The following CSMD1 variants were observed in gnomAD, a reference collection of about 807,000 sequenced individuals.
CSMD1 encodes the protein CUB and Sushi multiple domains 1, also known as CUB and sushi domain-containing protein 1.
CSMD1 carries 213 observed loss-of-function variants against 417.5 expected under a neutral mutation model. That is an observed-to-expected ratio of 0.51 (90% CI 0.46 to 0.57). The LOEUF (loss-of-function observed/expected upper bound fraction) is 0.57. Among genes scored for constraint, CSMD1 ranks in the 20% least tolerant of loss-of-function variants. The probability of loss-of-function intolerance (pLI) is 0.00; values close to 1 mark genes in which losing one functional copy is unlikely to be tolerated. For missense variants in CSMD1, 6,923 were observed against 4,529.7 expected (o/e 1.53, Z -15.17); for synonymous variants, 2,862 against 1,736.8 (o/e 1.65, Z -16.11).
intron 3 of CSMD1, among the ~76,000 whole-genome samples, chr8:4,146,493 T>G (rs1442484504): frequency 6.7e-6 from 1 of 148,942 alleles, no homozygotes; most frequent in African/African-American, 2.5e-5. Context: ...ACCCAGTTCC[T>G]CAGACGTTGT....
At chr8:3,252,838 G>C (rs1800374034) in intron 26 of CSMD1, among the ~76,000 whole-genome samples, 2 of 152,136 alleles carry the variant, frequency 1.3e-5, no homozygotes, top group Admixed American at 6.5e-5. Context: ...AGATTTTCTA[G>C]TTTATTTGCA....
At chr8:4,720,688 C>T (rs1413164567) in intron 1 of CSMD1, among the ~76,000 whole-genome samples, 2 of 152,136 alleles carry the variant, frequency 1.3e-5, no homozygotes, top group Non-Finnish European at 2.9e-5. Flanking sequence ...TCCCAAAGAG[C>T]TGGGATTACA....
chr8:4,643,850 T>G (rs1219552055), intron 1 of CSMD1, among the ~76,000 whole-genome samples: 1 of 152,182 alleles, frequency 6.6e-6, no homozygotes, highest in Non-Finnish European at 1.5e-5. Flanking sequence ...TTAAGGGTTT[T>G]CAGAATTAAA....
chr8:3,288,840 T>A (rs1260398520), intron 25 of CSMD1, among the ~76,000 whole-genome samples: 1 of 147,324 alleles, frequency 6.8e-6, no homozygotes, highest in Non-Finnish European at 1.5e-5. Flanking sequence ...TATTTTATTA[T>A]TATACTTTAA....
intron 54 of CSMD1, among the ~76,000 whole-genome samples, chr8:2,996,850 A>G (rs1806941131): frequency 6.6e-6 from 1 of 152,282 alleles, no homozygotes; most frequent in Non-Finnish European, 1.5e-5. Flanking sequence ...TGAAAGAAGA[A>G]GAAAAGTTGT....
At chr8:3,993,974 G>C (rs1002719278) in intron 5 of CSMD1, among the ~76,000 whole-genome samples, 1 of 152,170 alleles carries the variant, frequency 6.6e-6, no homozygotes, top group Non-Finnish European at 1.5e-5. Flanking sequence ...ACAGGGATGG[G>C]TTCACAGGGG....
rs535827041 is a variant in CSMD1, at chr8:4,036,728, G to C, written c.416-4629C>G. ...CGTAAAGGATCCTTTTGCAGATGCAGTTGCAGGCTTTTATTTTACACCAGG... is the reference window on the plus strand; with the variant it reads ...CGTAAAGGATCCTTTTGCAGATGCACTTGCAGGCTTTTATTTTACACCAGG... On this transcript the variant is annotated intron_variant, in intron 3 of 69. Transcript: ENST00000635120. Among the ~76,000 whole-genome samples the C allele has an allele frequency of 7.9e-5, 12 of 152,340 alleles. No individual in the cohort carries two copies. In the South Asian group the frequency reaches 1.9e-3, roughly 24 times the overall value.
chr8:4,236,363 C>T lies in CSMD1; in HGVS notation c.415+183590G>A, dbSNP rs1408606357. Among the ~76,000 whole-genome samples, 9 of 152,124 alleles carry T rather than the reference C, an allele frequency of 5.9e-5. No homozygotes were observed. In the East Asian group the frequency reaches 1.7e-3, roughly 29 times the overall value. ...AGTCACACAAACCAAGATTTCATCC[C>T]CACTCGGAGAAAGGGGTGAAGACGA... On this transcript the variant is annotated intron_variant, in intron 3 of 69. Coordinates refer to ENST00000635120, the MANE Select transcript of CSMD1 (RefSeq NM_033225.6).
intron 49 of CSMD1, among the ~76,000 whole-genome samples, chr8:3,075,193 G>A (rs367741841): frequency 6.6e-6 from 1 of 152,080 alleles, no homozygotes; most frequent in East Asian, 1.9e-4. Context: ...TTCCTGTCCA[G>A]CCGGAGAAAC....
chr8:3,118,659 T>A, intron 41 of CSMD1, 72 bp from the exon 42 acceptor site: 1 of 1,364,650 alleles, frequency 7.3e-7, no homozygotes, highest in South Asian at 1.3e-5. Flanking sequence ...TGCAGGAGTG[T>A]CATCACATGT....
intron 2 of CSMD1, among the ~76,000 whole-genome samples, chr8:4,438,507 G>C (rs1042376019): frequency 6.6e-5 from 10 of 152,220 alleles, no homozygotes; most frequent in Non-Finnish European, 4.4e-5. Flanking sequence ...GCTGTAGGAA[G>C]ATGCAGGTGG....
At chr8:4,424,005 T>A (rs573153680) in intron 2 of CSMD1, among the ~76,000 whole-genome samples, 4 of 152,132 alleles carry the variant, frequency 2.6e-5, no homozygotes, top group African/African-American at 9.6e-5. Flanking sequence ...TGGATGTCCA[T>A]AGCAAATAGT....
chr8:3,298,700 C>G (rs150613662), intron 25 of CSMD1, among the ~76,000 whole-genome samples: 4 of 152,134 alleles, frequency 2.6e-5, no homozygotes, highest in Non-Finnish European at 5.9e-5. Context: ...GTAATCTGCC[C>G]GCCTCAGCCT....
At chr8:4,119,783 CTGAG>C (rs1475308838) in intron 3 of CSMD1, among the ~76,000 whole-genome samples, 7 of 152,146 alleles carry the variant, frequency 4.6e-5, no homozygotes, top group Non-Finnish European at 8.8e-5. Context: ...GCAGCCTGAG[CTGAG>C]TAACAAAACG....
At chr8:3,357,402 T>C (rs1189000175) in intron 21 of CSMD1, among the ~76,000 whole-genome samples, 8 of 152,222 alleles carry the variant, frequency 5.3e-5, no homozygotes. Context: ...CTTCGTAGAA[T>C]TGTCATGGGA....
At chr8:3,635,828 G>GAAAGA (rs1797017436) in intron 7 of CSMD1, among the ~76,000 whole-genome samples, 1 of 127,788 alleles carries the variant, frequency 7.8e-6, no homozygotes. Context: ...AAGAAAGAAA[G>GAAAGA]AAAAAAAAAA....
intron 2 of CSMD1, among the ~76,000 whole-genome samples, chr8:4,522,363 T>C (rs1803507314): frequency 6.6e-6 from 1 of 152,288 alleles, no homozygotes; most frequent in South Asian, 2.1e-4. Context: ...AATTGCCAAG[T>C]CTCCGGTATG....
At chr8:4,234,611 T>C (rs17069667) in intron 3 of CSMD1, among the ~76,000 whole-genome samples, 18,203 of 152,200 alleles carry the variant, frequency 0.12, 2,591 homozygotes, top group East Asian at 0.42. Flanking sequence ...TTACACTTTA[T>C]TCACCATTTT....
chr8:3,926,505 C>G (rs1345389963), intron 5 of CSMD1, among the ~76,000 whole-genome samples: 1 of 151,528 alleles, frequency 6.6e-6, no homozygotes, highest in Non-Finnish European at 1.5e-5. Context: ...ATACTAAATT[C>G]TTTATTATTT....
Sources: allele counts gnomAD v4.1 joint callset (sites outside exome capture counted in the v4.1 genomes callset), GRCh38; gene constraint gnomAD v4.1.1; transcripts MANE v1.5; gene names NCBI Gene and HGNC (gene_info 2026-07-23, HGNC 2026-07-21).